FAM200C: variants seen among roughly 807,000 people sequenced by gnomAD.
At chr5:160,394,705 C>T in the FAM200C span, 1 of 1,614,050 alleles carries the variant, frequency 6.2e-7, no homozygotes, top group South Asian at 1.1e-5. Context: ...TATGAGGTAT[C>T]TCTTTTTTCA....
the FAM200C span, among the ~76,000 whole-genome samples, chr5:160,397,236 C>T: frequency 6.6e-6 from 1 of 152,150 alleles, no homozygotes; most frequent in Non-Finnish European, 1.5e-5. Context: ...AAAACGTATC[C>T]TTCAAACCAA....
the FAM200C span, chr5:160,399,579 CACTT>C: frequency 6.6e-6 from 1 of 152,236 alleles, no homozygotes; most frequent in African/African-American, 2.4e-5. Context: ...GTGGCTTTGT[CACTT>C]ACAGGATGGG....
At chr5:160,394,905 T>G in the FAM200C span, 1 of 1,613,004 alleles carries the variant, frequency 6.2e-7, no homozygotes, top group Non-Finnish European at 8.5e-7. Context: ...TCTCTTTCTT[T>G]TATATAGCGC....
At chr5:160,394,231 CTCAAT>C in the FAM200C span, 3 of 1,611,686 alleles carry the variant, frequency 1.9e-6, no homozygotes, top group Non-Finnish European at 2.5e-6. Flanking sequence ...AATTTCTTTT[CTCAAT>C]TCGTTTTTGC....
the FAM200C span, chr5:160,394,749 T>C: frequency 1.2e-6 from 2 of 1,614,016 alleles, no homozygotes; most frequent in Admixed American, 1.7e-5. Context: ...TCTCCTAGCA[T>C]AGAGGAGGCA....
At chr5:160,396,499 C>T in the FAM200C span, among the ~76,000 whole-genome samples, 2 of 151,752 alleles carry the variant, frequency 1.3e-5, no homozygotes, top group African/African-American at 2.4e-5. Flanking sequence ...GCCTGTAATC[C>T]CAGCACTTTA....
At chr5:160,394,388 T>C in the FAM200C span, 1 of 1,613,666 alleles carries the variant, frequency 6.2e-7, no homozygotes. Context: ...TTTAAACTCT[T>C]TATTTTCAAA....
chr5:160,395,090 T>C, the FAM200C span: 20 of 1,614,118 alleles, frequency 1.2e-5, no homozygotes, highest in South Asian at 2.1e-4. Context: ...CTGAAGCTTT[T>C]TTTGTGCATC....
the FAM200C span, chr5:160,395,371 A>G: frequency 6.2e-7 from 1 of 1,614,222 alleles, no homozygotes; most frequent in East Asian, 2.2e-5. Flanking sequence ...GTCTGAGGTC[A>G]GCATTTGAAA....
At chr5:160,393,585 AAAG>A in the FAM200C span, 1 of 767,050 alleles carries the variant, frequency 1.3e-6, no homozygotes, top group South Asian at 1.8e-5. Context: ...ATTCAAAATT[AAAG>A]TTCTTAAGTT....
chr5:160,397,264 T>G, the FAM200C span, among the ~76,000 whole-genome samples: 2 of 152,194 alleles, frequency 1.3e-5, no homozygotes, highest in African/African-American at 4.8e-5. Context: ...CTAACAAATA[T>G]TCTAGGTTTC....
chr5:160,394,890 C>CG, the FAM200C span: 23 of 1,612,086 alleles, frequency 1.4e-5, no homozygotes, highest in Non-Finnish European at 1.9e-5. Flanking sequence ...AATTCTTCTA[C>CG]GATCTCTCTT....
the FAM200C span, chr5:160,394,131 A>G: frequency 1.9e-6 from 3 of 1,613,504 alleles, no homozygotes; most frequent in Non-Finnish European, 2.5e-6. Flanking sequence ...AAGTTGCTCA[A>G]TTGTTGCAGA....
chr5:160,398,391 A>C, the FAM200C span, among the ~76,000 whole-genome samples: 1 of 152,072 alleles, frequency 6.6e-6, no homozygotes, highest in African/African-American at 2.4e-5. Flanking sequence ...CTCTACTAAA[A>C]ATACAAAAAT....
At chr5:160,393,880 T>C in the FAM200C span, 3 of 1,614,132 alleles carry the variant, frequency 1.9e-6, no homozygotes, top group Non-Finnish European at 2.5e-6. Context: ...TAGTTGCAAA[T>C]GGCATAAGGA....
the FAM200C span, chr5:160,394,692 C>T: frequency 6.4e-5 from 103 of 1,613,992 alleles, 1 homozygote; most frequent in Middle Eastern, 3.3e-4. Context: ...TGTGTAACTA[C>T]GATATGAGGT....
At chr5:160,395,608 A>G in the FAM200C span, 2 of 803,108 alleles carry the variant, frequency 2.5e-6, no homozygotes, top group Non-Finnish European at 2.1e-6. Context: ...AAGCCACATC[A>G]CATGCTATCT....
chr5:160,399,408 C>T, the FAM200C span, among the ~76,000 whole-genome samples: 2 of 152,228 alleles, frequency 1.3e-5, no homozygotes, highest in Non-Finnish European at 2.9e-5. Flanking sequence ...TACAATTCAA[C>T]TTCTTTCTAG....
chr5:160,393,985 G>A, the FAM200C span: 2 of 1,613,728 alleles, frequency 1.2e-6, no homozygotes, highest in East Asian at 2.2e-5. Flanking sequence ...TTAGGATTTG[G>A]CCACTAGCTC....
Sources: gnomAD v4.1 joint callset for allele counts (sites outside exome capture counted in the v4.1 genomes callset) on GRCh38, gnomAD v4.1.1 for gene constraint, MANE v1.5 for transcripts.